ATP13A3: variants seen among roughly 807,000 people sequenced by gnomAD.
ATP13A3 encodes ATPase 13A3.
A neutral mutation model predicts 158.1 loss-of-function variants in ATP13A3; 59 were observed. That is an observed-to-expected ratio of 0.37 (90% CI 0.30 to 0.46). ATP13A3 has a LOEUF of 0.46. ATP13A3 is among the 20% of genes least tolerant of loss of function. ATP13A3 has a pLI of 1.00. For missense variants in ATP13A3, 1,166 were observed against 1,525.2 expected (o/e 0.76, Z 3.92); for synonymous variants, 491 against 504.3 (o/e 0.97, Z 0.35).
At position 194,444,832 on chromosome 3, in the gene ATP13A3, CA is replaced by C. The variant is rs202196764; in HGVS notation, c.1498-47del. Reference sequence around the variant, plus strand: ...CATGCACAAAGTATGGATGATGCCTCAAAAAAAAACCCAAAAATAAAAATAA... The same window carrying C: ...CATGCACAAAGTATGGATGATGCCTCAAAAAAAACCCAAAAATAAAAATAA... On this transcript the variant is annotated intron_variant, in intron 14 of 33. Transcript: ENST00000645319. 2.2e-4 allele frequency: 303 copies of C among 1,395,704 alleles called. 2 individuals are homozygous for C. The highest frequency in any genetic ancestry group is 5.5e-4 in the East Asian group (23 of 42,120). 86.5% of individuals were successfully genotyped at this position (1,395,704 alleles called of 1,614,324 possible).
In ATP13A3 at chr3:194,409,693, A is replaced by ATTTTTT. The variant is rs71179358; in HGVS notation, c.3573+2500_3573+2505dup. On this transcript the variant is annotated intron_variant, in intron 33 of 33. Transcript: ENST00000645319. ...TGCTTGATAATCACTGACGTAAAGA[A>ATTTTTT]TTTTTTTTTTTTTTTTTTTTTTTTT... Among the ~76,000 whole-genome samples, 65 of 93,992 alleles carry ATTTTTT rather than the reference A, an allele frequency of 6.9e-4. 9 individuals carry two copies. The highest frequency in any genetic ancestry group is 2.6e-3 in the African/African-American group (53 of 20,348). The allele number at this position is 93,992 out of a possible 152,430, so 61.7% of individuals were successfully genotyped here.
chr3:194,454,237 C>T, intron 9 of ATP13A3, 21 bp downstream of exon 9: 2 of 1,581,218 alleles, frequency 1.3e-6, no homozygotes, highest in Non-Finnish European at 1.7e-6. Flanking sequence ...GTTGTGAAAC[C>T]CATAATAAAT....
intron 2 of ATP13A3, among the ~76,000 whole-genome samples, chr3:194,481,885 A>G (rs970682573): frequency 1.3e-5 from 2 of 152,250 alleles, no homozygotes; most frequent in South Asian, 2.1e-4. Context: ...ATCAACAAAA[A>G]AGACAAAATT....
intron 2 of ATP13A3, among the ~76,000 whole-genome samples, chr3:194,470,863 A>G (rs1351972067): frequency 6.6e-6 from 1 of 152,214 alleles, no homozygotes; most frequent in Admixed American, 6.5e-5. Context: ...GGAAACAGTG[A>G]TAAGTCCCAG....
intron 8 of ATP13A3, among the ~76,000 whole-genome samples, chr3:194,454,672 C>CA (rs1225146419): frequency 6.6e-6 from 1 of 151,954 alleles, no homozygotes. Flanking sequence ...CTAAAAAATA[C>CA]AAAAAAGTTA....
rs1009577688 is a variant in ATP13A3 at position 194,405,247 on chromosome 3, G to A, written c.*672C>T. On this transcript the variant is annotated 3_prime_UTR_variant, in exon 34 of 34. Coordinates refer to ENST00000645319, the MANE Select transcript of ATP13A3 (RefSeq NM_001367549.1). Reference sequence around the variant, plus strand: ...TTGAGAGGCGTCTCAAGAAGGCAGTGAAGCACCTTGCTGATTAGAAAAATA... The same window carrying A: ...TTGAGAGGCGTCTCAAGAAGGCAGTAAAGCACCTTGCTGATTAGAAAAATA... The A allele has an allele frequency of 6.6e-6, 1 of 152,262 alleles. No homozygotes were observed. Among genetic ancestry groups the A allele is most frequent in the African/African-American group, 2.4e-5 (1 of 41,430 alleles). The allele number at this position is 152,262 out of a possible 1,614,324, so 9.4% of individuals were successfully genotyped here. A position where few individuals can be genotyped will look rare whatever the true frequency, so the allele number is the denominator to read the frequency against.
chr3:194,441,527 CT>C, intron 15 of ATP13A3, 66 bp from the exon 16 acceptor site: 1 of 1,409,396 alleles, frequency 7.1e-7, no homozygotes, highest in Non-Finnish European at 9.7e-7. Flanking sequence ...TCTAACAGGG[CT>C]TTTCTGGTTT....
chr3:194,493,302 A>G (rs1050837846), intron 2 of ATP13A3, among the ~76,000 whole-genome samples: 4 of 152,198 alleles, frequency 2.6e-5, no homozygotes, highest in Non-Finnish European at 2.9e-5. Context: ...GAATGAATGA[A>G]TTTACGATCT....
At chr3:194,456,878 C>T (rs1174819180) in intron 7 of ATP13A3, among the ~76,000 whole-genome samples, 1 of 152,118 alleles carries the variant, frequency 6.6e-6, no homozygotes, top group Admixed American at 6.5e-5. Context: ...GGTATAATTT[C>T]AGGGATACCA....
chr3:194,422,885 G>A (rs762302473), intron 30 of ATP13A3, among the ~76,000 whole-genome samples: 2 of 149,962 alleles, frequency 1.3e-5, no homozygotes, highest in African/African-American at 4.9e-5. Flanking sequence ...TCTTTAAAAG[G>A]TCACCTTATT....
At chr3:194,453,886 A>C in intron 9 of ATP13A3, 108 bp from the exon 10 acceptor site, 1 of 776,552 alleles carries the variant, frequency 1.3e-6, no homozygotes, top group Non-Finnish European at 2.1e-6. Flanking sequence ...ATATCACTCC[A>C]TCTTTATAAA....
intron 26 of ATP13A3, 82 bp downstream of exon 26, chr3:194,429,990 A>T: frequency 7.9e-7 from 1 of 1,270,998 alleles, no homozygotes; most frequent in Non-Finnish European, 1.1e-6. Flanking sequence ...AAACAAATTC[A>T]TGTTACTTTT....
Position 194,459,980 on chromosome 3 carries a change from G to C in ATP13A3, c.226-9C>G, listed in dbSNP as rs996926300. On this transcript the variant is annotated splice_polypyrimidine_tract_variant and intron_variant, in intron 4 of 33. Transcript: ENST00000645319. The stretch of plus-strand genomic sequence containing the variant: ...CACATTTTGAATTCATCCTTAAAGA[G>C]AGAAAGGGATAACGGTAAGGAGTCA... 1.9e-5 allele frequency: 30 copies of C among 1,604,704 alleles called. No homozygotes were observed. Among genetic ancestry groups the C allele is most frequent in the Non-Finnish European group, 2.5e-5 (29 of 1,174,422 alleles).
At chr3:194,408,387 C>CT (rs1162987467) in intron 33 of ATP13A3, among the ~76,000 whole-genome samples, 2 of 152,182 alleles carry the variant, frequency 1.3e-5, no homozygotes, top group Non-Finnish European at 2.9e-5. Context: ...TGACTGCTGA[C>CT]TTTTTTTAAA....
chr3:194,453,639 C>T (rs996522569), intron 10 of ATP13A3, 67 bp downstream of exon 10: 1 of 1,273,580 alleles, frequency 7.9e-7, no homozygotes, highest in African/African-American at 1.5e-5. Flanking sequence ...ATACTTTGGG[C>T]TTACTTCACA....
At position 194,462,226 on chromosome 3, in the gene ATP13A3, A is replaced by G. The variant is rs1461661993; in HGVS notation, c.-36T>C. On this transcript the variant is annotated 5_prime_UTR_variant, in exon 3 of 34. Transcript: ENST00000645319. The stretch of plus-strand genomic sequence containing the variant: ...GATTAAAGGTCCAGTGCTTCAAACA[A>G]TGGAAGATCACTGAGGGAAGAAAGG... 5 of 1,578,306 alleles carry G rather than the reference A, an allele frequency of 3.2e-6. No individual in the cohort carries two copies. In the African/African-American group the frequency reaches 6.7e-5, roughly 21 times the overall value.
At chr3:194,472,387 T>C (rs531355040) in intron 2 of ATP13A3, among the ~76,000 whole-genome samples, 38 of 152,280 alleles carry the variant, frequency 2.5e-4, no homozygotes, top group African/African-American at 9.1e-4. Context: ...ATAAGGCAGA[T>C]AGAATAATTT....
At chr3:194,460,618 C>T (rs764839038) in intron 4 of ATP13A3, 40 bp downstream of exon 4, 14 of 1,588,258 alleles carry the variant, frequency 8.8e-6, no homozygotes, top group Non-Finnish European at 2.6e-6. Context: ...CATTGTTTTA[C>T]TCCTTAAATA....
chr3:194,468,400 A>C (rs1720126788), intron 2 of ATP13A3, among the ~76,000 whole-genome samples: 1 of 149,932 alleles, frequency 6.7e-6, no homozygotes, highest in African/African-American at 2.5e-5. Flanking sequence ...AAAAAAAAAA[A>C]AAAAACAGTA....
Sources: allele counts gnomAD v4.1 joint callset (sites outside exome capture counted in the v4.1 genomes callset), GRCh38; gene constraint gnomAD v4.1.1; transcripts MANE v1.5; gene names NCBI Gene and HGNC (gene_info 2026-07-23, HGNC 2026-07-21).